ETF1: variants seen among roughly 807,000 people sequenced by gnomAD.
ETF1 encodes eukaryotic translation termination factor 1, also known as eukaryotic peptide chain release factor subunit 1.
Under a neutral mutation model 55.1 loss-of-function variants are expected in ETF1, and 4 were observed. The observed-to-expected ratio is 0.07, with a 90% CI of 0.04 to 0.17. The LOEUF (loss-of-function observed/expected upper bound fraction) is 0.17. ETF1 is among the 10% of genes least tolerant of loss of function. The probability of loss-of-function intolerance (pLI) is 1.00; values close to 1 mark genes in which losing one functional copy is unlikely to be tolerated. For missense variants in ETF1, 142 were observed against 523.6 expected, an observed-to-expected ratio of 0.27 and a Z score of 7.11; for synonymous variants, 157 against 182.3, an observed-to-expected ratio of 0.86 and a Z score of 1.12.
chr5:138,525,638 G>A (rs1052361196), intron 2 of ETF1, among the ~76,000 whole-genome samples: 1 of 151,892 alleles, frequency 6.6e-6, no homozygotes, highest in African/African-American at 2.4e-5. Flanking sequence ...ATGAACCGAA[G>A]CACACTAAAA....
At chr5:138,524,347 T>C (rs1765366853) in intron 2 of ETF1, among the ~76,000 whole-genome samples, 1 of 151,708 alleles carries the variant, frequency 6.6e-6, no homozygotes, top group Non-Finnish European at 1.5e-5. Context: ...ACCGAGACTG[T>C]CACAAAACAA....
intron 9 of ETF1, chr5:138,509,047 A>G (rs919039866): frequency 3.0e-6 from 3 of 985,368 alleles, no homozygotes; most frequent in Non-Finnish European, 3.6e-6. Flanking sequence ...TCAGCTATGA[A>G]ATACCAACAC....
At chr5:138,526,631 G>C (rs939813366) in intron 2 of ETF1, among the ~76,000 whole-genome samples, 2 of 152,088 alleles carry the variant, frequency 1.3e-5, no homozygotes, top group African/African-American at 4.8e-5. Context: ...CCGCCTCCCA[G>C]GTTTAAGCAA....
intron 4 of ETF1, among the ~76,000 whole-genome samples, chr5:138,515,869 T>C (rs991383872): frequency 3.0e-4 from 45 of 152,212 alleles, no homozygotes; most frequent in African/African-American, 1.1e-3. Flanking sequence ...ACAGTCTGGA[T>C]TGTCTATGCA....
chr5:138,524,146 G>A (rs1196580344), intron 2 of ETF1, among the ~76,000 whole-genome samples: 1 of 150,100 alleles, frequency 6.7e-6, no homozygotes. Flanking sequence ...AGCCGAGATC[G>A]TGCCACTGCA....
At chr5:138,537,699 T>G (rs894795566) in intron 2 of ETF1, among the ~76,000 whole-genome samples, 1 of 151,594 alleles carries the variant, frequency 6.6e-6, no homozygotes, top group Non-Finnish European at 1.5e-5. Context: ...GCCATTCTCC[T>G]GCCTCAGCCT....
chr5:138,523,698 G>A (rs185552174), intron 2 of ETF1, among the ~76,000 whole-genome samples: 3 of 152,234 alleles, frequency 2.0e-5, no homozygotes, highest in South Asian at 4.1e-4. Context: ...TGGAAATACT[G>A]TTTTTCTTTT....
At chr5:138,539,126 A>G (rs775313258) in intron 2 of ETF1, among the ~76,000 whole-genome samples, 8 of 152,228 alleles carry the variant, frequency 5.3e-5, no homozygotes, top group East Asian at 1.9e-4. Context: ...TAAGAAACAC[A>G]TAAGGTTTCC....
intron 2 of ETF1, among the ~76,000 whole-genome samples, chr5:138,531,973 G>A (rs1287282832): frequency 6.6e-6 from 1 of 152,162 alleles, no homozygotes; most frequent in Non-Finnish European, 1.5e-5. Context: ...TGTGAACCGG[G>A]AGGCGGAGCT....
chr5:138,521,872 T>C (rs1328404197), intron 2 of ETF1, among the ~76,000 whole-genome samples: 1 of 152,122 alleles, frequency 6.6e-6, no homozygotes, highest in Non-Finnish European at 1.5e-5. Context: ...CCCAAAACAG[T>C]AGTTCAGTTC....
chr5:138,537,349 G>A (rs1458106144), intron 2 of ETF1, among the ~76,000 whole-genome samples: 1 of 152,164 alleles, frequency 6.6e-6, no homozygotes, highest in Non-Finnish European at 1.5e-5. Flanking sequence ...CAAAAGGAAA[G>A]AGCTAACATT....
At chr5:138,519,077 T>C in intron 2 of ETF1, 5 of 984,998 alleles carry the variant, frequency 5.1e-6, no homozygotes, top group African/African-American at 1.7e-5. Context: ...TCAATTTGAT[T>C]GAATAGTGAG....
rs1765121265 is a variant in ETF1 at position 138,518,753 on chromosome 5, G to A, written c.201C>T (p.Asn67=). The change falls in exon 3 of 11, where the codon AAC becomes AAT. Residue 67 remains asparagine, a synonymous_variant. Transcript: ENST00000360541. Reference sequence around the variant, plus strand: ...TAATGGCTCCCAGGACTGAAAGGCGGTTTACTCGTGACTTAATGTTAGATG... The same window carrying A: ...TAATGGCTCCCAGGACTGAAAGGCGATTTACTCGTGACTTAATGTTAGATG... ...GTASNIKSRV[N]RLSVLGAITS... 6.2e-7 allele frequency: 1 copy of A among 1,613,502 alleles called. No homozygotes were observed. Among genetic ancestry groups the A allele is most frequent in the African/African-American group, 1.3e-5 (1 of 74,906 alleles).
Position 138,508,320 on chromosome 5 carries a change from G to A in ETF1, c.1299C>T (p.Asp433=), listed in dbSNP as rs1320522625. Residue 433 remains aspartate (D), a synonymous_variant, in exon 11 of 11, where the codon GAC becomes GAT. Transcript: ENST00000360541. ...TGTCGACTACCTAGTAGTCATCAAG[G>A]TCAAAAAATTCATCGTCTCCTCCTT... is the stretch of plus-strand genomic sequence containing the variant. ...EYQGGDDEFF[D]LDDY is the part of the protein sequence containing the mutation. 3 of 1,613,870 alleles carry A rather than the reference G, an allele frequency of 1.9e-6. No individual in the cohort carries two copies. The highest frequency in any genetic ancestry group is 2.5e-6 in the Non-Finnish European group (3 of 1,179,978).
At position 138,538,188 on chromosome 5, in the gene ETF1, C is replaced by A. The variant is rs769960275; in HGVS notation, c.86+4645G>T. Among the ~76,000 whole-genome samples the A allele has an allele frequency of 1.3e-4, 18 of 143,686 alleles. 1 individual carries two copies. Among genetic ancestry groups the A allele is most frequent in the Non-Finnish European group, 2.6e-4 (17 of 66,392 alleles). 94.3% of individuals were successfully genotyped at this position (143,686 alleles called of 152,430 possible). ...TACAGGCGTGAGCCACCACGCCCGGCCTGGGCCCCTATTATTTTTGAGACA... is the reference window on the plus strand; with the variant it reads ...TACAGGCGTGAGCCACCACGCCCGGACTGGGCCCCTATTATTTTTGAGACA... On this transcript the variant is annotated intron_variant, in intron 2 of 10. Coordinates refer to ENST00000360541, the MANE Select transcript of ETF1 (RefSeq NM_004730.4).
intron 2 of ETF1, among the ~76,000 whole-genome samples, chr5:138,535,830 G>C (rs534087192): frequency 8.7e-6 from 1 of 114,714 alleles, no homozygotes. Flanking sequence ...AGCTGAGATC[G>C]CACCACTGCA....
intron 4 of ETF1, among the ~76,000 whole-genome samples, chr5:138,516,133 T>G (rs927973231): frequency 6.6e-6 from 1 of 152,146 alleles, no homozygotes; most frequent in African/African-American, 2.4e-5. Flanking sequence ...CTCAAAAGTT[T>G]CAGGGGAAAG....
At chr5:138,512,667 GAATTTTAAA>G in intron 6 of ETF1, 88 bp downstream of exon 6, 2 of 1,152,476 alleles carry the variant, frequency 1.7e-6, no homozygotes, top group Non-Finnish European at 2.4e-6. Flanking sequence ...TTAACCCAAG[GAATTTTAAA>G]AAGATGTGTC....
In ETF1 at chr5:138,541,228, T is replaced by C. The variant is rs147960321; in HGVS notation, c.86+1605A>G. ...TAGTGCAACATAATGGGTCGTGACC[T>C]ATGTTACCCTTTCTGTACAGTATTC... On this transcript the variant is annotated intron_variant, in intron 2 of 10. Coordinates refer to ENST00000360541, the MANE Select transcript of ETF1 (RefSeq NM_004730.4). Among the ~76,000 whole-genome samples the C allele has an allele frequency of 4.7e-4, 71 of 152,336 alleles. 1 individual carries two copies. The East Asian group carries it at 0.012, about 25-fold the overall frequency.
Sources: allele counts gnomAD v4.1 joint callset (sites outside exome capture counted in the v4.1 genomes callset), GRCh38; gene constraint gnomAD v4.1.1; transcripts MANE v1.5; gene names NCBI Gene and HGNC (gene_info 2026-07-23, HGNC 2026-07-21).